PARD3: variants seen among roughly 807,000 people sequenced by gnomAD.
PARD3 encodes par-3 family cell polarity regulator.
Under a neutral mutation model 155.4 loss-of-function variants are expected in PARD3, and 75 were observed. The ratio of observed to expected loss-of-function variants is 0.48; its 90% CI spans 0.40 to 0.58. The LOEUF is 0.58. Among genes scored for constraint, PARD3 ranks in the 20% least tolerant of loss-of-function variants. The pLI, the probability that PARD3 is intolerant of heterozygous loss-of-function variation, is 0.00. For missense variants in PARD3, 1,642 were observed against 1,721.7 expected, an observed-to-expected ratio of 0.95 and a Z score of 0.82; for synonymous variants, 576 against 610.5, an observed-to-expected ratio of 0.94 and a Z score of 0.83.
At chr10:34,456,773 C>A (rs1024119153) in intron 4 of PARD3, among the ~76,000 whole-genome samples, 2 of 152,092 alleles carry the variant, frequency 1.3e-5, no homozygotes, top group Admixed American at 6.6e-5. Flanking sequence ...AAGGTATTAT[C>A]CATAGTTCTT....
intron 22 of PARD3, among the ~76,000 whole-genome samples, chr10:34,247,414 A>T (rs1479685264): frequency 5.9e-5 from 9 of 151,628 alleles, no homozygotes; most frequent in Non-Finnish European, 8.8e-5. Flanking sequence ...AGGCAGGAGA[A>T]TTGCTTGAAC....
chr10:34,362,699 T>C (rs1002837717), intron 12 of PARD3, among the ~76,000 whole-genome samples: 1 of 152,230 alleles, frequency 6.6e-6, no homozygotes, highest in Non-Finnish European at 1.5e-5. Flanking sequence ...TTCACCATGT[T>C]GGCCAGGCTG....
intron 1 of PARD3, among the ~76,000 whole-genome samples, chr10:34,733,962 A>T (rs1429401304): frequency 1.3e-4 from 18 of 140,556 alleles, no homozygotes; most frequent in Non-Finnish European, 7.9e-5. Context: ...TTTTTTTTTT[A>T]CCATAAGCAG....
intron 1 of PARD3, among the ~76,000 whole-genome samples, chr10:34,704,748 C>T (rs2094337536): frequency 6.6e-6 from 1 of 152,140 alleles, no homozygotes; most frequent in Non-Finnish European, 1.5e-5. Flanking sequence ...TTGAGAAACA[C>T]AAAGACTAAA....
At chr10:34,350,153 T>C (rs1837887278) in intron 14 of PARD3, among the ~76,000 whole-genome samples, 1 of 152,232 alleles carries the variant, frequency 6.6e-6, no homozygotes, top group African/African-American at 2.4e-5. Context: ...TGATTGGGGT[T>C]ACAGTTTTGT....
chr10:34,439,761 C>A (rs781444621), intron 5 of PARD3, among the ~76,000 whole-genome samples: 28 of 152,200 alleles, frequency 1.8e-4, no homozygotes, highest in African/African-American at 5.8e-4. Flanking sequence ...AAAAGTATTA[C>A]GTGCCTACTA....
chr10:34,752,260 C>A (rs1836139433), intron 1 of PARD3, among the ~76,000 whole-genome samples: 1 of 150,012 alleles, frequency 6.7e-6, no homozygotes, highest in African/African-American at 2.5e-5. Flanking sequence ...TATGTGCATT[C>A]TTTTTGCCTT....
At chr10:34,450,194 A>T in intron 5 of PARD3, 123 bp downstream of exon 5, 1 of 897,388 alleles carries the variant, frequency 1.1e-6, no homozygotes, top group Non-Finnish European at 1.7e-6. Context: ...TTGGTACTTA[A>T]CTAAAGTTTG....
intron 2 of PARD3, among the ~76,000 whole-genome samples, chr10:34,684,878 T>TACACATAC (rs1554810259): frequency 7.3e-6 from 1 of 137,776 alleles, no homozygotes; most frequent in Non-Finnish European, 1.6e-5. Context: ...TACACACACA[T>TACACATAC]ACACACACAC....
At chr10:34,371,486 CAAAAAAAAAAAAAAAAAAAAAAAAAAA>C (rs968034029) in intron 12 of PARD3, among the ~76,000 whole-genome samples, 12 of 22,724 alleles carry the variant, frequency 5.3e-4, no homozygotes, top group Admixed American at 2.9e-3. Flanking sequence ...ATTCTAGACT[CAAAAAAAAAAAAAAAAAAAAAAAAAAA>C]AAAAAAAAAA....
intron 1 of PARD3, among the ~76,000 whole-genome samples, chr10:34,697,094 TGAG>T (rs1821786157): frequency 9.4e-6 from 1 of 106,382 alleles, no homozygotes; most frequent in South Asian, 2.8e-4. Context: ...GCAGTGGGAT[TGAG>T]GAGAAGGAAA....
At chr10:34,812,175 C>T (rs1224047755) in intron 1 of PARD3, among the ~76,000 whole-genome samples, 2 of 152,174 alleles carry the variant, frequency 1.3e-5, no homozygotes, top group Admixed American at 6.5e-5. Context: ...AGAAAATTAG[C>T]CCCACCACAC....
chr10:34,389,334 G>A (rs1842664642), intron 7 of PARD3, among the ~76,000 whole-genome samples: 1 of 149,006 alleles, frequency 6.7e-6, no homozygotes, highest in African/African-American at 2.5e-5. Context: ...GATTTTGGAT[G>A]CATAATTAGA....
intron 5 of PARD3, among the ~76,000 whole-genome samples, chr10:34,438,988 A>G (rs564916078): frequency 1.3e-5 from 2 of 152,234 alleles, no homozygotes; most frequent in Admixed American, 1.3e-4. Context: ...ATCTGCTGAT[A>G]GGAAAGTTCT....
At chr10:34,795,601 C>A (rs566183344) in intron 1 of PARD3, among the ~76,000 whole-genome samples, 67 of 149,694 alleles carry the variant, frequency 4.5e-4, no homozygotes, top group African/African-American at 1.5e-3. Context: ...CAGAGCAAGA[C>A]CCTGTCTCAA....
At chr10:34,473,081 T>C (rs911145807) in intron 3 of PARD3, among the ~76,000 whole-genome samples, 3 of 152,158 alleles carry the variant, frequency 2.0e-5, no homozygotes, top group African/African-American at 4.8e-5. Flanking sequence ...ATGTCTCTTA[T>C]GGTGGGTGAT....
At position 34,518,987 on chromosome 10, in the gene PARD3, A is replaced by G. The variant is rs142363843; in HGVS notation, c.223-1828T>C. 2.6e-5 allele frequency among the ~76,000 whole-genome samples: 4 copies of G among 152,352 alleles called. No individual in the cohort carries two copies. In the East Asian group the frequency reaches 5.8e-4, roughly 22 times the overall value. On this transcript the variant is annotated intron_variant, in intron 2 of 24. Coordinates refer to ENST00000374788, the MANE Select transcript of PARD3 (RefSeq NM_001184785.2). ...TCTGATAAAATGCACTGGGAAGTAT[A>G]TAACATTACTTTTGTGGTATTCTTG...
chr10:34,511,201 C>T (rs1002676743), intron 3 of PARD3, among the ~76,000 whole-genome samples: 1 of 152,154 alleles, frequency 6.6e-6, no homozygotes, highest in African/African-American at 2.4e-5. Context: ...TTCTGTATTT[C>T]CTGTAAATAG....
chr10:34,596,632 G>T (rs1226968493), intron 2 of PARD3, among the ~76,000 whole-genome samples: 2 of 152,086 alleles, frequency 1.3e-5, no homozygotes, highest in African/African-American at 4.8e-5. Context: ...CAACACACGG[G>T]GATGACAATT....
Sources: gnomAD v4.1 joint callset for allele counts (sites outside exome capture counted in the v4.1 genomes callset) on GRCh38, gnomAD v4.1.1 for gene constraint, MANE v1.5 for transcripts, NCBI Gene and HGNC (gene_info 2026-07-23, HGNC 2026-07-21) for gene names.